CD209: variants seen among roughly 807,000 people sequenced by gnomAD.
The protein encoded by CD209 is CD209 molecule.
Under a neutral mutation model 44.7 loss-of-function variants are expected in CD209, and 31 were observed. The ratio of observed to expected loss-of-function variants is 0.69; its 90% CI spans 0.52 to 0.94. The LOEUF (loss-of-function observed/expected upper bound fraction) is 0.94, where lower values mean the gene tolerates loss of function less well. Ranked by LOEUF, CD209 falls within the 40% of genes least tolerant of loss-of-function variation. CD209 has a pLI of 0.00. For missense variants in CD209, 407 were observed against 452.4 expected, an observed-to-expected ratio of 0.90 and a Z score of 0.91; for synonymous variants, 173 against 181.3, an observed-to-expected ratio of 0.95 and a Z score of 0.37.
chr19:7,746,636 C>G (rs891379768), intron 2 of CD209, 105 bp from the exon 3 acceptor site: 6 of 1,120,054 alleles, frequency 5.4e-6, no homozygotes, highest in Admixed American at 3.7e-5. Flanking sequence ...GGAACCCCAG[C>G]CCCAGCCCCC....
intron 6 of CD209, among the ~76,000 whole-genome samples, chr19:7,743,893 G>A (rs890105975): frequency 6.6e-6 from 1 of 152,172 alleles, no homozygotes; most frequent in African/African-American, 2.4e-5. Flanking sequence ...CACCTCCCCG[G>A]TGGCAGGCTC....
chr19:7,745,164 A>G, intron 4 of CD209, 72 bp from the exon 5 acceptor site: 1 of 1,578,178 alleles, frequency 6.3e-7, no homozygotes, highest in Non-Finnish European at 8.7e-7. Context: ...CCAGCCTTCA[A>G]GGTCTTGAGA....
rs761378871 is a variant in CD209, at chr19:7,745,034, G to A, written c.807C>T (p.Phe269=). The change falls in exon 5 of 7, where the codon TTC becomes TTT. Residue 269 remains phenylalanine (F), a synonymous_variant. Coordinates refer to ENST00000315599, the MANE Select transcript of CD209 (RefSeq NM_021155.4). ...EWTFFQGNCY[F]MSNSQRNWHD... The stretch of plus-strand genomic sequence containing the variant: ...GCCAGTTCCGCTGGGAGTTAGACAT[G>A]AAGTAACAGTTTCCTTGGAAGAATG... 2 of 1,614,120 alleles carry A rather than the reference G, an allele frequency of 1.2e-6. No homozygotes were observed. Among genetic ancestry groups the A allele is most frequent in the Non-Finnish European group, 1.7e-6 (2 of 1,180,040 alleles).
chr19:7,742,983 G>T lies in CD209; in HGVS notation c.*56C>A. ...GACAAAGAACAGTCCCAGAGATTTT[G>T]TGAAGGTCGAAGGATGGAGAGAAGG... is the stretch of plus-strand genomic sequence containing the variant. On this transcript the variant is annotated 3_prime_UTR_variant, in exon 7 of 7. Coordinates refer to ENST00000315599, the MANE Select transcript of CD209 (RefSeq NM_021155.4). 7.4e-7 allele frequency: 1 copy of T among 1,351,052 alleles called. No individual in the cohort carries two copies. Among genetic ancestry groups the T allele is most frequent in the Non-Finnish European group, 1.1e-6 (1 of 944,008 alleles). 83.7% of individuals were successfully genotyped at this position (1,351,052 alleles called of 1,614,324 possible).
chr19:7,742,285 A>G lies in CD209; in HGVS notation c.*754T>C, dbSNP rs7248772. 102,355 of 152,424 alleles carry G rather than the reference A, an allele frequency of 0.67. 34,680 individuals are homozygous for G. The highest frequency in any genetic ancestry group is 0.7 in the Admixed American group (10,710 of 15,288). 9.4% of individuals were successfully genotyped at this position (152,424 alleles called of 1,614,324 possible). A position where few individuals can be genotyped will look rare whatever the true frequency, so the allele number is the denominator to read the frequency against. ...AGCCTGACCAACACGGAGAAACCCC[A>G]TCTGTACTAAAAATACAAAAAATTA... On this transcript the variant is annotated 3_prime_UTR_variant, in exon 7 of 7. Transcript: ENST00000315599.
chr19:7,744,070 C>A, intron 6 of CD209, 37 bp downstream of exon 6: 1 of 1,497,672 alleles, frequency 6.7e-7, no homozygotes, highest in Non-Finnish European at 9.3e-7. Flanking sequence ...TTCACAATTC[C>A]AGCCCCAGTG....
At chr19:7,746,734 C>T (rs1009166037) in intron 2 of CD209, among the ~76,000 whole-genome samples, 3 of 151,518 alleles carry the variant, frequency 2.0e-5, no homozygotes, top group African/African-American at 7.3e-5. Flanking sequence ...TCCCCAGGTC[C>T]CAGGAACCAG....
Position 7,741,613 on chromosome 19 carries a change from C to T in CD209, c.*1426G>A, listed in dbSNP as rs1418739702. On this transcript the variant is annotated 3_prime_UTR_variant, in exon 7 of 7. Coordinates refer to ENST00000315599, the MANE Select transcript of CD209 (RefSeq NM_021155.4). Reference sequence around the variant, plus strand: ...TCAGTACCAGTCGGAAGAAGAATGCCAAGCAGCTCTTTCTCTGTTTAACGG... The same window carrying T: ...TCAGTACCAGTCGGAAGAAGAATGCTAAGCAGCTCTTTCTCTGTTTAACGG... 1.1e-6 allele frequency: 1 copy of T among 899,050 alleles called. No individual in the cohort carries two copies. The highest frequency in any genetic ancestry group is 1.8e-6 in the Non-Finnish European group (1 of 560,888). 55.7% of individuals were successfully genotyped at this position (899,050 alleles called of 1,614,324 possible). A position where few individuals can be genotyped will look rare whatever the true frequency, so the allele number is the denominator to read the frequency against.
At position 7,746,486 on chromosome 19, in the gene CD209, G is replaced by A. The variant is rs151250046; in HGVS notation, c.152C>T (p.Thr51Met). The stretch of plus-strand genomic sequence containing the variant: ...TTGGACAAGGAGCCCAGCCAAGAGC[G>A]TGAAGGAGAGGAGTTGCAGCACCAG... The part of the protein sequence containing the change: ...GPLVLQLLSF[T>M]LLAGLLVQVS... The change falls in exon 3 of 7, where the codon ACG becomes ATG. Residue 51 changes from threonine to methionine, a missense_variant. This residue lies in a region of CD209 where 122 missense variants were observed against 110.3 expected (regional missense o/e 1.11). Coordinates refer to ENST00000315599, the MANE Select transcript of CD209 (RefSeq NM_021155.4). 1.2e-4 allele frequency: 197 copies of A among 1,613,790 alleles called. No homozygotes were observed. In the East Asian group the frequency reaches 2.9e-3, roughly 24 times the overall value.
At chr19:7,744,610 A>ATGGG (rs2033737131) in intron 5 of CD209, among the ~76,000 whole-genome samples, 1 of 152,212 alleles carries the variant, frequency 6.6e-6, no homozygotes, top group Non-Finnish European at 1.5e-5. Context: ...CGACAGCTTG[A>ATGGG]AATCAGCCAC....
At position 7,740,739 on chromosome 19, in the gene CD209, C is replaced by A. The variant is rs115539852; in HGVS notation, c.*2300G>T. 1,301 of 765,980 alleles carry A rather than the reference C, an allele frequency of 1.7e-3. 8 individuals carry two copies. In the African/African-American group the frequency reaches 0.02, roughly 12 times the overall value. 47.4% of individuals were successfully genotyped at this position (765,980 alleles called of 1,614,324 possible). A position where few individuals can be genotyped will look rare whatever the true frequency, so the allele number is the denominator to read the frequency against. ...GGAAAAGGAAGAGGTGGCTAGAAAA[C>A]GGCAAGAACAAGAGCGAAAGTTAAA... On this transcript the variant is annotated 3_prime_UTR_variant, in exon 7 of 7. Transcript: ENST00000315599.
In CD209 at chr19:7,743,135, T is replaced by C. The variant is rs1195727480; in HGVS notation, c.1119A>G (p.Lys373=). ...CTGCGGACTTTTTGCAGATCCAGAATTTGGCAAGATTACATTTGTCGTCGT... is the reference window on the plus strand; with the variant it reads ...CTGCGGACTTTTTGCAGATCCAGAACTTGGCAAGATTACATTTGTCGTCGT... ...GWNDDKCNLA[K]FWICKKSAAS... Residue 373 remains lysine, a synonymous_variant, in exon 7 of 7, where the codon AAA becomes AAG. Coordinates refer to ENST00000315599, the MANE Select transcript of CD209 (RefSeq NM_021155.4). 1.2e-6 allele frequency: 2 copies of C among 1,614,166 alleles called. No individual in the cohort carries two copies. The highest frequency in any genetic ancestry group is 3.3e-5 in the Admixed American group (2 of 60,016).
At chr19:7,747,138 G>T (rs2033865464) in intron 2 of CD209, among the ~76,000 whole-genome samples, 168 bp downstream of exon 2, 1 of 151,512 alleles carries the variant, frequency 6.6e-6, no homozygotes, top group African/African-American at 2.4e-5. Flanking sequence ...ACCTTCCCAG[G>T]AACCAGGAAT....
At position 7,745,700 on chromosome 19, in the gene CD209, T is replaced by G; in HGVS notation, c.566A>C (p.Gln189Pro). The G allele has an allele frequency of 6.4e-7, 1 of 1,568,030 alleles. No homozygotes were observed. Among genetic ancestry groups the G allele is most frequent in the South Asian group, 1.1e-5 (1 of 89,844 alleles). The change falls in exon 4 of 7, where the codon CAG becomes CCG. Residue 189 changes from glutamine to proline, a missense_variant. Around this residue, in one of 3 missense-constraint regions of CD209, gnomAD observed 85 missense variants for 139.9 expected, o/e 0.61. Transcript: ENST00000315599. Reference protein sequence around the residue: ...AVGELPEKSKQQEIYQELTRL... With the variant: ...AVGELPEKSKPQEIYQELTRL... ...GGTCAGCTCCTGGTAGATCTCCTGC[T>G]GCTTAGATTTCTCTGGAAGCTCACC... is the stretch of plus-strand genomic sequence containing the variant.
In CD209 at chr19:7,747,528, C is replaced by T. The variant is rs763068172; in HGVS notation, c.-17G>A. ...GTCACTCATGTCACCCCACTCTCCC[C>T]CAGTGTCCAGAACTCCTGGGGGCCA... On this transcript the variant is annotated 5_prime_UTR_variant, in exon 1 of 7. Coordinates refer to ENST00000315599, the MANE Select transcript of CD209 (RefSeq NM_021155.4). 3 of 1,614,008 alleles carry T rather than the reference C, an allele frequency of 1.9e-6. No homozygotes were observed. Among genetic ancestry groups the T allele is most frequent in the African/African-American group, 1.3e-5 (1 of 74,922 alleles).
rs914605700 is a variant in CD209, at chr19:7,744,261, A to G, written c.901-42T>C. The G allele has an allele frequency of 6.3e-6, 9 of 1,437,050 alleles. No individual in the cohort carries two copies. In the African/African-American group the frequency reaches 9.8e-5, roughly 16 times the overall value. The allele number at this position is 1,437,050 out of a possible 1,614,324, so 89.0% of individuals were successfully genotyped here. ...GAGTCAGGAGGGAGCTCTGCTTCCCATTTTCCAGGCTCTGTCTCCCCATCT... is the reference window on the plus strand; with the variant it reads ...GAGTCAGGAGGGAGCTCTGCTTCCCGTTTTCCAGGCTCTGTCTCCCCATCT... On this transcript the variant is annotated intron_variant, in intron 5 of 6. Transcript: ENST00000315599.
chr19:7,745,937 G>T lies in CD209; in HGVS notation c.329C>A (p.Ala110Glu), dbSNP rs201154005. Residue 110 changes from alanine to glutamate, a missense_variant, in exon 4 of 7, where the codon GCA becomes GAA. By Grantham distance (107) the Ala-to-Glu change is moderately radical (BLOSUM62 -1). Around this residue, in one of 3 missense-constraint regions of CD209, gnomAD observed 85 missense variants for 139.9 expected, o/e 0.61. Transcript: ENST00000315599. ...IYQELTQLKA[A>E]VGELPEKSKL... is the part of the protein sequence containing the mutation. ...AGATTTCTCTGGAAGCTCACCCACT[G>T]CAGCCTTCAGCTGGGTCAGCTCCTG... The T allele has an allele frequency of 1.9e-6, 3 of 1,614,176 alleles. No homozygotes were observed. The highest frequency in any genetic ancestry group is 2.5e-6 in the Non-Finnish European group (3 of 1,180,014).
In CD209 at chr19:7,745,809, GC is replaced by G; in HGVS notation, c.456del (p.Trp152CysfsTer2). 1 of 1,608,904 alleles carries G rather than the reference GC, an allele frequency of 6.2e-7. No individual in the cohort carries two copies. The highest frequency in any genetic ancestry group is 2.2e-5 in the East Asian group (1 of 44,818). ...GGAAGCTCACCCACTGCAGCCTTCAGCCAGGTCAGCTCCTGGTAGATCTCCT... is the reference window on the plus strand; with the variant it reads ...GGAAGCTCACCCACTGCAGCCTTCAGCAGGTCAGCTCCTGGTAGATCTCCT... ...KLQEIYQELT[W>X]LKAAVGELPE... On this transcript the variant is annotated frameshift_variant, in exon 4 of 7. Coordinates refer to ENST00000315599, the MANE Select transcript of CD209 (RefSeq NM_021155.4). LOFTEE classifies it high-confidence loss of function.
At chr19:7,743,516 T>C (rs1282801291) in intron 6 of CD209, among the ~76,000 whole-genome samples, 2 of 152,130 alleles carry the variant, frequency 1.3e-5, no homozygotes, top group Non-Finnish European at 2.9e-5. Flanking sequence ...CCTGCCTTAC[T>C]GGGCTCTTGT....
Sources: allele counts gnomAD v4.1 joint callset (sites outside exome capture counted in the v4.1 genomes callset), GRCh38; gene constraint gnomAD v4.1.1; regional missense constraint gnomAD v4.1.1; transcripts MANE v1.5; gene names NCBI Gene and HGNC (gene_info 2026-07-23, HGNC 2026-07-21).